The following ATF7IP variants were observed in gnomAD, a reference collection of about 807,000 sequenced individuals.
ATF7IP encodes the protein activating transcription factor 7 interacting protein.
In ATF7IP, 23 loss-of-function variants were observed where a neutral mutation model predicts 106.4. The ratio of observed to expected loss-of-function variants is 0.22; its 90% CI spans 0.16 to 0.31. ATF7IP has a LOEUF of 0.31. Ranked by LOEUF, ATF7IP falls within the 10% of genes least tolerant of loss-of-function variation. The pLI, the probability that ATF7IP is intolerant of heterozygous loss-of-function variation, is 1.00. For missense variants in ATF7IP, 1,334 were observed against 1,524.3 expected (o/e 0.88, Z 2.08); for synonymous variants, 542 against 539.0 (o/e 1.01, Z -0.08).
intron 1 of ATF7IP, among the ~76,000 whole-genome samples, chr12:14,401,389 A>G (rs987449957): frequency 6.6e-6 from 1 of 151,800 alleles, no homozygotes; most frequent in African/African-American, 2.4e-5. Context: ...TAGAGATGGG[A>G]TTTCACCATG....
At chr12:14,402,278 T>C (rs1186005480) in intron 1 of ATF7IP, among the ~76,000 whole-genome samples, 1 of 151,514 alleles carries the variant, frequency 6.6e-6, no homozygotes, top group Non-Finnish European at 1.5e-5. Flanking sequence ...GAGACACATG[T>C]CACTATACCT....
At chr12:14,492,145 G>C (rs113609362) in intron 13 of ATF7IP, among the ~76,000 whole-genome samples, 18,386 of 152,158 alleles carry the variant, frequency 0.12, 1,418 homozygotes, top group South Asian at 0.23. Context: ...TTTGGCACTG[G>C]GGAAATGACC....
intron 14 of ATF7IP, 130 bp from the exon 15 acceptor site, chr12:14,497,524 A>G: frequency 1.0e-6 from 1 of 953,642 alleles, no homozygotes; most frequent in Non-Finnish European, 1.5e-6. Context: ...TTGATATGGT[A>G]TTTGGTATTT....
At chr12:14,467,280 G>A (rs1367410386) in intron 10 of ATF7IP, among the ~76,000 whole-genome samples, 4 of 151,870 alleles carry the variant, frequency 2.6e-5, no homozygotes, top group African/African-American at 4.8e-5. Context: ...CAAAAATCTC[G>A]AGCATGTCAG....
Position 14,436,224 on chromosome 12 carries a change from A to G in ATF7IP, c.1764A>G (p.Lys588=), listed in dbSNP as rs1311910594. ...EAEFQVKITA[K]GDINQKLQKV... ...AATTTCAAGTAAAGATTACAGCCAA[A>G]GGAGACATTAACCAGAAACTTCAAA... Residue 588 remains lysine, a synonymous_variant, in exon 4 of 15, where the codon AAA becomes AAG. Transcript: ENST00000261168. 6.2e-7 allele frequency: 1 copy of G among 1,613,262 alleles called. No homozygotes were observed. Among genetic ancestry groups the G allele is most frequent in the Non-Finnish European group, 8.5e-7 (1 of 1,179,610 alleles).
At chr12:14,488,314 C>CCCACAAA (rs1944694341) in intron 13 of ATF7IP, among the ~76,000 whole-genome samples, 2 of 152,062 alleles carry the variant, frequency 1.3e-5, no homozygotes, top group Non-Finnish European at 2.9e-5. Context: ...CCACAATAGT[C>CCCACAAA]TATCTGCAAG....
chr12:14,392,642 A>G (rs1490100459), intron 1 of ATF7IP, among the ~76,000 whole-genome samples: 4 of 152,108 alleles, frequency 2.6e-5, no homozygotes, highest in Non-Finnish European at 5.9e-5. Flanking sequence ...AATATGAGAG[A>G]AGGTTGCAAA....
chr12:14,385,269 G>T, intron 1 of ATF7IP: 1 of 827,888 alleles, frequency 1.2e-6, no homozygotes, highest in South Asian at 1.8e-5. Flanking sequence ...GCACATTGCA[G>T]CCATCTTAAT....
At chr12:14,401,871 G>A (rs1443108426) in intron 1 of ATF7IP, among the ~76,000 whole-genome samples, 2 of 151,418 alleles carry the variant, frequency 1.3e-5, no homozygotes, top group Admixed American at 6.6e-5. Flanking sequence ...CCACCACCAT[G>A]CCTGGCTAAT....
At chr12:14,494,209 A>G (rs758788601) in intron 13 of ATF7IP, among the ~76,000 whole-genome samples, 8 of 146,664 alleles carry the variant, frequency 5.5e-5, no homozygotes, top group Non-Finnish European at 1.0e-4. Context: ...TCCATCCTTA[A>G]TATTCTGTTC....
At chr12:14,430,689 C>A (rs1008452838) in intron 2 of ATF7IP, among the ~76,000 whole-genome samples, 3 of 152,074 alleles carry the variant, frequency 2.0e-5, no homozygotes, top group African/African-American at 7.2e-5. Context: ...GTAGGAATTT[C>A]TTGTTTTGTT....
At chr12:14,473,456 T>C (rs1293375657) in intron 10 of ATF7IP, among the ~76,000 whole-genome samples, 1 of 152,148 alleles carries the variant, frequency 6.6e-6, no homozygotes, top group Non-Finnish European at 1.5e-5. Context: ...TGTTTTCACA[T>C]ATATTGTGGT....
intron 11 of ATF7IP, among the ~76,000 whole-genome samples, chr12:14,477,153 T>G (rs1944288605): frequency 1.3e-5 from 2 of 152,226 alleles, no homozygotes; most frequent in African/African-American, 4.8e-5. Flanking sequence ...CTTCTTATTA[T>G]CTTAAAGACA....
chr12:14,466,741 A>C, intron 10 of ATF7IP, 151 bp downstream of exon 10: 1 of 671,174 alleles, frequency 1.5e-6, no homozygotes, highest in Non-Finnish European at 2.5e-6. Flanking sequence ...GTAATGTTTG[A>C]CAAGAATTGA....
intron 1 of ATF7IP, 192 bp from the exon 2 acceptor site, chr12:14,423,717 C>A: frequency 1.9e-6 from 1 of 527,380 alleles, no homozygotes; most frequent in Non-Finnish European, 3.0e-6. Context: ...TAGACTATGG[C>A]CATTTTTGAT....
chr12:14,435,117 CAGGAAGGAAGGAAGA>C (rs1370369786), intron 3 of ATF7IP, among the ~76,000 whole-genome samples: 1 of 144,220 alleles, frequency 6.9e-6, no homozygotes, highest in African/African-American at 2.6e-5. Flanking sequence ...GGGAGGGAGA[CAGGAAGGAAGGAAGA>C]GGGAAGGAAG....
In ATF7IP at chr12:14,478,617, A is replaced by G; in HGVS notation, c.3097+145A>G. 3 of 871,374 alleles carry G rather than the reference A, an allele frequency of 3.4e-6. No homozygotes were observed. The East Asian group carries it at 7.9e-5, about 23-fold the overall frequency. The allele number at this position is 871,374 out of a possible 1,614,324, so 54.0% of individuals were successfully genotyped here. On this transcript the variant is annotated intron_variant, in intron 12 of 14. Coordinates refer to ENST00000261168, the MANE Select transcript of ATF7IP (RefSeq NM_018179.5). ...CAGTGCATGTCCTTTTGAAGGCAGTATAACTTAGTTTTTCTGACTGTCTTA... is the reference window on the plus strand; with the variant it reads ...CAGTGCATGTCCTTTTGAAGGCAGTGTAACTTAGTTTTTCTGACTGTCTTA...
At chr12:14,455,739 C>T (rs1427769410) in intron 6 of ATF7IP, among the ~76,000 whole-genome samples, 1 of 152,016 alleles carries the variant, frequency 6.6e-6, no homozygotes, top group African/African-American at 2.4e-5. Context: ...CGTGTATTAC[C>T]ACGCCTGGCT....
At chr12:14,378,104 T>TC (rs199645637) in intron 1 of ATF7IP, among the ~76,000 whole-genome samples, 7 of 148,092 alleles carry the variant, frequency 4.7e-5, no homozygotes, top group East Asian at 1.9e-4. Context: ...CTTTTTCTTT[T>TC]TTTTTTTTTT....
Sources: gnomAD v4.1 joint callset for allele counts (sites outside exome capture counted in the v4.1 genomes callset) on GRCh38, gnomAD v4.1.1 for gene constraint, MANE v1.5 for transcripts, NCBI Gene and HGNC (gene_info 2026-07-23, HGNC 2026-07-21) for gene names.